Variants in GOLGA2 observed in about 807,000 individuals in gnomAD.
GOLGA2 encodes the protein golgin subfamily A member 2.
A neutral mutation model predicts 148.8 loss-of-function variants in GOLGA2; 49 were observed. The ratio of observed to expected loss-of-function variants is 0.33; its 90% confidence interval spans 0.26 to 0.42. The LOEUF (loss-of-function observed/expected upper bound fraction) is 0.42, where lower values mean the gene tolerates loss of function less well. Ranked by LOEUF, GOLGA2 falls within the 10% of genes least tolerant of loss-of-function variation. The pLI is 1.00. For synonymous variants in GOLGA2, 501 were observed against 511.8 expected (o/e 0.98, Z 0.28); for missense variants, 1,178 against 1,304.6 (o/e 0.90, Z 1.49).
Position 128,259,887 on chromosome 9 carries a change from A to G in GOLGA2, c.1872+189T>C, listed in dbSNP as rs554304382. On this transcript the variant is annotated intron_variant, in intron 19 of 26. Coordinates refer to ENST00000611957, the MANE Select transcript of GOLGA2 (RefSeq NM_001366244.2). ...CTCTAGCTGGGACGATGATGTCCAGACCTGAGAGGAGCCCAAAGCTATCCA... is the reference window on the plus strand; with the variant it reads ...CTCTAGCTGGGACGATGATGTCCAGGCCTGAGAGGAGCCCAAAGCTATCCA... Among the ~76,000 whole-genome samples the G allele has an allele frequency of 1.1e-3, 167 of 152,284 alleles. 1 individual carries two copies. In the South Asian group the frequency reaches 0.021, roughly 19 times the overall value.
intron 13 of GOLGA2, 126 bp downstream of exon 13, chr9:128,262,892 CACAGCTGGCACTAGAG>C (rs1193269851): frequency 2.5e-6 from 2 of 792,382 alleles, no homozygotes; most frequent in Non-Finnish European, 4.4e-6. Flanking sequence ...GAGTCAGTGG[CACAGCTGGCACTAGAG>C]CTTTGCTGGG....
rs769622038 is a variant in GOLGA2, at chr9:128,258,119, A to G, written c.2369T>C (p.Val790Ala). 5.0e-6 allele frequency: 8 copies of G among 1,608,776 alleles called. No individual in the cohort carries two copies. In the Admixed American group the frequency reaches 5.0e-5, roughly 10 times the overall value. ...CAGGTGAGCCAGGCGCCGGCAGCGCACCCTTTGCTCCTTCAGCTGCCCACG... is the reference window on the plus strand; with the variant it reads ...CAGGTGAGCCAGGCGCCGGCAGCGCGCCCTTTGCTCCTTCAGCTGCCCACG... ...RLRGQLKEQR[V>A]RCRRLAHLLA... The change falls in exon 23 of 27, where the codon GTG (valine) becomes GCG (alanine). Residue 790 changes from valine to alanine, a missense_variant. This residue lies in a region of GOLGA2 where 529 missense variants were observed against 521.8 expected (regional missense o/e 1.01). Coordinates refer to ENST00000611957, the MANE Select transcript of GOLGA2 (RefSeq NM_001366244.2). This position sits in a 1 kb window ranked among gnomAD's most constrained non-coding sequence, Gnocchi z 6.6.
At position 128,256,997 on chromosome 9, in the gene GOLGA2, A is replaced by T. The variant is rs112418697; in HGVS notation, c.*70T>A. ...AGGGTAAAGGGTTGACTGAGAAGGGATGGTAGGGATATGGTGGGGGCAGGG... is the reference window on the plus strand; with the variant it reads ...AGGGTAAAGGGTTGACTGAGAAGGGTTGGTAGGGATATGGTGGGGGCAGGG... On this transcript the variant is annotated 3_prime_UTR_variant, in exon 27 of 27. Transcript: ENST00000611957. 4 of 1,139,196 alleles carry T rather than the reference A, an allele frequency of 3.5e-6. No individual in the cohort carries two copies. The African/African-American group carries it at 4.6e-5, about 13-fold the overall frequency. The allele number at this position is 1,139,196 out of a possible 1,614,324, so 70.6% of individuals were successfully genotyped here.
chr9:128,275,611 C>A (rs2131404013), intron 1 of GOLGA2: 1 of 858,208 alleles, frequency 1.2e-6, no homozygotes, highest in Non-Finnish European at 1.7e-6. Flanking sequence ...GCCCAAAGAG[C>A]CCAGGGAGGT....
chr9:128,267,795 G>C (rs1830684478), intron 6 of GOLGA2, 139 bp downstream of exon 6: 1 of 738,004 alleles, frequency 1.4e-6, no homozygotes, highest in African/African-American at 1.7e-5. Flanking sequence ...AGAAGGCTCA[G>C]GGAAAAGGCG....
chr9:128,262,529 C>A (rs368691369), intron 14 of GOLGA2, 34 bp downstream of exon 14: 4 of 1,600,008 alleles, frequency 2.5e-6, no homozygotes, highest in Non-Finnish European at 8.5e-7. Flanking sequence ...AGCTGGATGG[C>A]GCTCCCACCA....
intron 13 of GOLGA2, 134 bp from the exon 14 acceptor site, chr9:128,262,838 G>T: frequency 1.1e-6 from 1 of 886,470 alleles, no homozygotes; most frequent in South Asian, 1.5e-5. Context: ...AAAGTCACAT[G>T]TACAGGCCAG....
chr9:128,273,875 G>A lies in GOLGA2; in HGVS notation c.182C>T (p.Ser61Phe), dbSNP rs1169664582. ...KNGSNPETTTSGGCHSPEDIQ... is the reference protein window; with the variant it reads ...KNGSNPETTTFGGCHSPEDIQ... ...ATCCTCAGGTGAGTGGCAACCACCA[G>A]AAGTGGTTGTCTCAGGGTTACTGCC... is the stretch of plus-strand genomic sequence containing the variant. The change falls in exon 2 of 27, where the codon TCT (serine) becomes TTT (phenylalanine). Residue 61 changes from serine (S) to phenylalanine (F), a missense_variant. Transcript: ENST00000611957. 4 of 1,613,992 alleles carry A rather than the reference G, an allele frequency of 2.5e-6. No homozygotes were observed.
intron 3 of GOLGA2, among the ~76,000 whole-genome samples, chr9:128,269,548 C>T (rs1179358383): frequency 6.6e-6 from 1 of 152,166 alleles, no homozygotes; most frequent in Non-Finnish European, 1.5e-5. Context: ...CTCTCCCTTG[C>T]CCCCAACTGG....
intron 6 of GOLGA2, among the ~76,000 whole-genome samples, chr9:128,267,722 A>C (rs780221514): frequency 2.6e-5 from 4 of 152,180 alleles, no homozygotes; most frequent in Admixed American, 2.0e-4. Flanking sequence ...GTGCTTCTGC[A>C]GCAGGATACA....
At position 128,260,021 on chromosome 9, in the gene GOLGA2, C is replaced by T. The variant is rs2131339209; in HGVS notation, c.1872+55G>A. 1 of 1,264,584 alleles carries T rather than the reference C, an allele frequency of 7.9e-7. No homozygotes were observed. Among genetic ancestry groups the T allele is most frequent in the Middle Eastern group, 2.3e-4 (1 of 4,288 alleles). The allele number at this position is 1,264,584 out of a possible 1,614,324, so 78.3% of individuals were successfully genotyped here. ...GAGCTGCCTCTGGCCTCACACCACC[C>T]CTCCCCAGAGGCTGGTGCCCGCCTC... On this transcript the variant is annotated intron_variant, in intron 19 of 26. Coordinates refer to ENST00000611957, the MANE Select transcript of GOLGA2 (RefSeq NM_001366244.2). The surrounding 1 kb of genome is among the most constrained non-coding windows in gnomAD (Gnocchi z 4.8).
At chr9:128,272,153 C>CT (rs1410035891) in intron 3 of GOLGA2, among the ~76,000 whole-genome samples, 1 of 147,956 alleles carries the variant, frequency 6.8e-6, no homozygotes, top group Non-Finnish European at 1.5e-5. Context: ...CTCTCCTAGT[C>CT]TGAGAGTACC....
intron 1 of GOLGA2, 84 bp downstream of exon 1, chr9:128,275,808 AG>A: frequency 1.4e-6 from 1 of 727,538 alleles, no homozygotes; most frequent in Non-Finnish European, 2.3e-6. Flanking sequence ...GGTGTGCCTC[AG>A]GAGTGGCAGA....
rs1032111098 is a variant in GOLGA2 at position 128,275,732 on chromosome 9, G to A, written c.84+161C>T. Among the ~76,000 whole-genome samples the A allele has an allele frequency of 5.3e-5, 8 of 152,118 alleles. No homozygotes were observed. In the East Asian group the frequency reaches 1.5e-3, roughly 29 times the overall value. On this transcript the variant is annotated intron_variant, in intron 1 of 26. Transcript: ENST00000611957. ...GCGAGGGCGGGGGCTGGGCGGCTGAGGGGGCGGGGCTGGCTGACAAGACTT... is the reference window on the plus strand; with the variant it reads ...GCGAGGGCGGGGGCTGGGCGGCTGAAGGGGCGGGGCTGGCTGACAAGACTT...
chr9:128,258,270 C>T lies in GOLGA2; in HGVS notation c.2290-72G>A. The T allele has an allele frequency of 4.6e-6, 6 of 1,294,720 alleles. No homozygotes were observed. Among genetic ancestry groups the T allele is most frequent in the Non-Finnish European group, 6.5e-6 (6 of 925,564 alleles). 80.2% of individuals were successfully genotyped at this position (1,294,720 alleles called of 1,614,324 possible). On this transcript the variant is annotated intron_variant, in intron 22 of 26. Transcript: ENST00000611957. The surrounding 1 kb of genome is among the most constrained non-coding windows in gnomAD (Gnocchi z 6.6). ...ACAGGGCAGGGAGGTAGAGAGCAGC[C>T]CTTCCCTTGGGGCCTCAGAGGGTGC...
chr9:128,275,256 AC>A, intron 1 of GOLGA2: 1 of 607,168 alleles, frequency 1.6e-6, no homozygotes, highest in Non-Finnish European at 2.7e-6. Flanking sequence ...GACCAGAGGA[AC>A]CAGAAGCGGG....
At chr9:128,262,774 TACCC>T (rs1830351513) in intron 13 of GOLGA2, 70 bp from the exon 14 acceptor site, 1 of 1,427,862 alleles carries the variant, frequency 7.0e-7, no homozygotes, top group South Asian at 1.2e-5. Flanking sequence ...ATCCACCCTC[TACCC>T]TTGCCCCACA....
intron 3 of GOLGA2, among the ~76,000 whole-genome samples, chr9:128,272,091 T>C (rs920288360): frequency 5.3e-5 from 8 of 151,064 alleles, no homozygotes; most frequent in Non-Finnish European, 1.2e-4. Context: ...ATCTTTGCCT[T>C]TAGGGTAAAA....
Position 128,259,336 on chromosome 9 carries a change from A to C in GOLGA2, c.1928T>G (p.Leu643Arg). 1 of 1,608,982 alleles carries C rather than the reference A, an allele frequency of 6.2e-7. No homozygotes were observed. The highest frequency in any genetic ancestry group is 8.5e-7 in the Non-Finnish European group (1 of 1,178,310). Residue 643 changes from leucine (L) to arginine (R), a missense_variant, in exon 20 of 27, where the codon CTG becomes CGG. By Grantham distance (102) the Leu-to-Arg change is moderately radical. Around this residue, in one of 5 missense-constraint regions of GOLGA2, gnomAD observed 529 missense variants for 521.8 expected, o/e 1.01. Coordinates refer to ENST00000611957, the MANE Select transcript of GOLGA2 (RefSeq NM_001366244.2). ...GGCCACATACTGCTGCAGGTGTCCC[A>C]GGTACTGGTCTCGCTGCTGCTGCAG... Reference protein sequence around the residue: ...QSLQQQRDQYLGHLQQYVAAY... With the variant: ...QSLQQQRDQYRGHLQQYVAAY...
Sources: allele counts gnomAD v4.1 joint callset (sites outside exome capture counted in the v4.1 genomes callset), GRCh38; gene constraint gnomAD v4.1.1; regional missense constraint gnomAD v4.1.1; non-coding constraint Gnocchi (gnomAD v3.1); transcripts MANE v1.5; gene names NCBI Gene and HGNC (gene_info 2026-07-23, HGNC 2026-07-21).